RBFOX1: variants seen among roughly 807,000 people sequenced by gnomAD.
The protein encoded by RBFOX1 is RNA binding fox-1 homolog 1.
Under a neutral mutation model 57.7 loss-of-function variants are expected in RBFOX1, and 8 were observed. The ratio of observed to expected loss-of-function variants is 0.14; its 90% CI spans 0.08 to 0.25. The LOEUF is 0.25. Among genes scored for constraint, RBFOX1 ranks in the 10% least tolerant of loss-of-function variants. The pLI is 1.00. For synonymous variants in RBFOX1, 326 were observed against 222.4 expected, an observed-to-expected ratio of 1.47 and a Z score of -4.15; for missense variants, 611 against 548.5, an observed-to-expected ratio of 1.11 and a Z score of -1.14.
intron 4 of RBFOX1, among the ~76,000 whole-genome samples, chr16:7,482,856 G>C (rs1364733533): frequency 6.6e-6 from 1 of 152,134 alleles, no homozygotes; most frequent in Non-Finnish European, 1.5e-5. Context: ...ATGTACAGGA[G>C]ATGGGCTTAG....
chr16:5,454,840 CCTTTCTTTCTTTCTTTTCTTTCTTT>C (rs1308613928), intron 1 of RBFOX1, among the ~76,000 whole-genome samples: 37 of 104,836 alleles, frequency 3.5e-4, no homozygotes, highest in African/African-American at 1.4e-3. Flanking sequence ...TGCTTTCTTT[CCTTTCTTTCTTTCTTTTCTTTCTTT>C]CTTTCTTTCT....
chr16:6,459,868 C>A (rs960607773), intron 2 of RBFOX1, among the ~76,000 whole-genome samples: 1 of 151,488 alleles, frequency 6.6e-6, no homozygotes, highest in African/African-American at 2.4e-5. Context: ...CCTGTAATCC[C>A]AGCTACTTGG....
intron 4 of RBFOX1, among the ~76,000 whole-genome samples, chr16:5,926,427 G>T (rs999223366): frequency 2.0e-5 from 3 of 152,066 alleles, no homozygotes; most frequent in African/African-American, 4.8e-5. Flanking sequence ...TGACTGGGGG[G>T]TGCTTTTGGA....
chr16:7,137,790 C>G (rs1436361161), intron 4 of RBFOX1, among the ~76,000 whole-genome samples: 4 of 152,284 alleles, frequency 2.6e-5, no homozygotes, highest in Admixed American at 6.5e-5. Flanking sequence ...GGAGTAGAAA[C>G]TCCAAAAGGG....
intron 4 of RBFOX1, among the ~76,000 whole-genome samples, chr16:7,481,696 C>T (rs902298468): frequency 2.0e-4 from 30 of 152,182 alleles, no homozygotes; most frequent in Non-Finnish European, 4.4e-5. Flanking sequence ...ACATGAACTA[C>T]AGATACTCCT....
At chr16:5,518,764 C>G (rs184177315) in intron 2 of RBFOX1, among the ~76,000 whole-genome samples, 3 of 152,058 alleles carry the variant, frequency 2.0e-5, no homozygotes, top group Non-Finnish European at 4.4e-5. Flanking sequence ...GAGGCACAAA[C>G]GTATTATAAG....
intron 11 of RBFOX1, among the ~76,000 whole-genome samples, chr16:7,632,291 TC>T (rs2061099924): frequency 6.6e-6 from 1 of 152,158 alleles, no homozygotes; most frequent in South Asian, 2.1e-4. Flanking sequence ...CCAAATCTAA[TC>T]ATATTGGCAA....
In RBFOX1 at chr16:5,787,858, C is replaced by G. The variant is rs75751340; in HGVS notation, c.319-79445C>G. Among the ~76,000 whole-genome samples the G allele has an allele frequency of 1.1e-4, 16 of 152,272 alleles. No homozygotes were observed. In the East Asian group the frequency reaches 3.1e-3, roughly 29 times the overall value. Reference sequence around the variant, plus strand: ...AAAGTTGGAAAGGAAGAATGCATTGCAATTGCAGTGTTCCAAGTCAACTAA... The same window carrying G: ...AAAGTTGGAAAGGAAGAATGCATTGGAATTGCAGTGTTCCAAGTCAACTAA... On this transcript the variant is annotated intron_variant, in intron 3 of 19. Transcript: ENST00000641259.
At chr16:6,960,639 C>T (rs989649913) in intron 3 of RBFOX1, among the ~76,000 whole-genome samples, 2 of 152,000 alleles carry the variant, frequency 1.3e-5, no homozygotes, top group South Asian at 4.1e-4. Context: ...TCTCTCCTTC[C>T]TTCCTCTGTT....
At chr16:5,675,456 A>G (rs1339383631) in intron 3 of RBFOX1, among the ~76,000 whole-genome samples, 2 of 152,232 alleles carry the variant, frequency 1.3e-5, no homozygotes, top group Non-Finnish European at 2.9e-5. Context: ...TAGAGAACTC[A>G]GCTCACGTGC....
rs2050563010 is a variant in RBFOX1 at position 5,688,233 on chromosome 16, AG to A, written c.318+89274del. ...TTTGCTGCTAAGTAGAATTTCATAG[AG>A]GTGCATCTTTGCAATCTTTTTATGT... On this transcript the variant is annotated intron_variant, in intron 3 of 19. Transcript: ENST00000641259. Among the ~76,000 whole-genome samples, 9 of 152,314 alleles carry A rather than the reference AG, an allele frequency of 5.9e-5. No homozygotes were observed. The South Asian group carries it at 1.9e-3, about 32-fold the overall frequency.
chr16:5,537,554 G>C (rs891538872), intron 2 of RBFOX1, among the ~76,000 whole-genome samples: 19 of 152,202 alleles, frequency 1.2e-4, no homozygotes, highest in African/African-American at 4.6e-4. Context: ...GTTGTTGGTA[G>C]AAATCACTTC....
intron 2 of RBFOX1, among the ~76,000 whole-genome samples, chr16:6,348,643 C>T (rs531340307): frequency 1.3e-5 from 2 of 152,174 alleles, no homozygotes; most frequent in South Asian, 4.1e-4. Flanking sequence ...GAAGGCAAAG[C>T]AGGAGGAGGC....
intron 2 of RBFOX1, among the ~76,000 whole-genome samples, chr16:6,321,445 C>G (rs1287166291): frequency 1.3e-5 from 2 of 152,204 alleles, no homozygotes; most frequent in East Asian, 1.9e-4. Flanking sequence ...AAAGTGTCCT[C>G]TATTCCCTGC....
intron 4 of RBFOX1, among the ~76,000 whole-genome samples, chr16:7,054,152 C>G (rs562637059): frequency 8.7e-5 from 11 of 127,134 alleles, no homozygotes; most frequent in African/African-American, 3.1e-4. Context: ...ACACCTGTGT[C>G]TGTAAGAGCC....
intron 2 of RBFOX1, among the ~76,000 whole-genome samples, chr16:6,572,139 A>G (rs954700862): frequency 6.6e-6 from 1 of 152,162 alleles, no homozygotes; most frequent in African/African-American, 2.4e-5. Context: ...TCTCATTGTC[A>G]TCTCATTCTT....
chr16:6,772,710 TTGTATGTGTGTGATTG>T (rs2078529948), intron 3 of RBFOX1, among the ~76,000 whole-genome samples: 1 of 143,866 alleles, frequency 7.0e-6, no homozygotes, highest in East Asian at 2.1e-4. Flanking sequence ...TGGGATGCAT[TTGTATGTGTGTGATTG>T]TGTATGTGTG....
intron 5 of RBFOX1, among the ~76,000 whole-genome samples, chr16:7,520,091 T>C (rs2077207894): frequency 6.6e-6 from 1 of 152,116 alleles, no homozygotes; most frequent in Non-Finnish European, 1.5e-5. Flanking sequence ...TTCACTGTGT[T>C]ATCCAGGATG....
intron 4 of RBFOX1, among the ~76,000 whole-genome samples, chr16:5,974,349 C>T (rs1248960146): frequency 6.6e-6 from 1 of 152,188 alleles, no homozygotes; most frequent in African/African-American, 2.4e-5. Context: ...TGGCTCACAC[C>T]TGTAATCCCA....
Sources: allele counts gnomAD v4.1 joint callset (sites outside exome capture counted in the v4.1 genomes callset), GRCh38; gene constraint gnomAD v4.1.1; transcripts MANE v1.5; gene names NCBI Gene and HGNC (gene_info 2026-07-23, HGNC 2026-07-21).